NUTF2: variants seen among roughly 807,000 people sequenced by gnomAD.
The protein encoded by NUTF2 is nuclear transport factor 2.
Under a neutral mutation model 18.5 loss-of-function variants are expected in NUTF2, and 3 were observed. That is an observed-to-expected ratio of 0.16 (90% CI 0.07 to 0.42). The LOEUF (loss-of-function observed/expected upper bound fraction) is 0.42. NUTF2 is among the 10% of genes least tolerant of loss of function. The pLI is 0.99. For synonymous variants in NUTF2, 51 were observed against 57.9 expected (o/e 0.88, Z 0.54); for missense variants, 44 against 160.7 (o/e 0.27, Z 3.93).
chr16:67,848,108 A>C (rs1029435563), intron 1 of NUTF2, among the ~76,000 whole-genome samples: 1 of 152,196 alleles, frequency 6.6e-6, no homozygotes, highest in African/African-American at 2.4e-5. Context: ...CAGAGACCCT[A>C]CTGAGTTCTG....
intron 1 of NUTF2, among the ~76,000 whole-genome samples, chr16:67,862,040 G>A (rs1191380128): frequency 6.6e-6 from 1 of 152,130 alleles, no homozygotes; most frequent in Non-Finnish European, 1.5e-5. Context: ...TAGCTGGATC[G>A]AGGTAGGAGG....
intron 1 of NUTF2, 197 bp downstream of exon 1, chr16:67,847,182 G>A (rs2057809021): frequency 6.6e-6 from 1 of 152,082 alleles, no homozygotes; most frequent in Non-Finnish European, 1.5e-5. Context: ...GGCGGCCGGG[G>A]GTAACGCACA....
intron 1 of NUTF2, among the ~76,000 whole-genome samples, chr16:67,857,687 A>G (rs549278944): frequency 6.6e-6 from 1 of 152,336 alleles, no homozygotes; most frequent in East Asian, 1.9e-4. Context: ...AACAAGGGAG[A>G]AGTGGAGCAG....
intron 1 of NUTF2, among the ~76,000 whole-genome samples, chr16:67,862,913 A>G (rs187064730): frequency 6.6e-6 from 1 of 152,268 alleles, no homozygotes; most frequent in Non-Finnish European, 1.5e-5. Context: ...GCTCTGAGCC[A>G]AGGGTAGAAG....
At chr16:67,848,961 C>T (rs1014791500) in intron 1 of NUTF2, among the ~76,000 whole-genome samples, 2 of 152,128 alleles carry the variant, frequency 1.3e-5, no homozygotes, top group Non-Finnish European at 2.9e-5. Context: ...TACTCTTGAC[C>T]TAGAAGTTTT....
intron 1 of NUTF2, among the ~76,000 whole-genome samples, chr16:67,853,004 G>A (rs1044175618): frequency 1.3e-4 from 20 of 151,938 alleles, no homozygotes; most frequent in African/African-American, 4.3e-4. Context: ...TCTTTTTAAA[G>A]TTTTTCTTAG....
At position 67,871,162 on chromosome 16, in the gene NUTF2, C is replaced by CTTT. The variant is rs1208303500; in HGVS notation, c.*269_*271dup. On this transcript the variant is annotated 3_prime_UTR_variant, in exon 5 of 5. Coordinates refer to ENST00000219169, the MANE Select transcript of NUTF2 (RefSeq NM_005796.3). ...GACTTAAGTAATGCAAAAGGTTGTCCTTTTTTTTTTTTTTTTTTTTTTAAT... is the reference window on the plus strand; with the variant it reads ...GACTTAAGTAATGCAAAAGGTTGTCCTTTTTTTTTTTTTTTTTTTTTTTTTAAT... The CTTT allele has an allele frequency of 5.0e-4, 75 of 150,830 alleles. No individual in the cohort carries two copies. Among genetic ancestry groups the CTTT allele is most frequent in the Middle Eastern group, 2.7e-3 (1 of 376 alleles). The allele number at this position is 150,830 out of a possible 1,614,324, so 9.3% of individuals were successfully genotyped here.
chr16:67,852,267 C>T (rs895994981), intron 1 of NUTF2, among the ~76,000 whole-genome samples: 1 of 152,012 alleles, frequency 6.6e-6, no homozygotes, highest in Non-Finnish European at 1.5e-5. Context: ...TGCCACTGCA[C>T]TGTAGCCTGG....
chr16:67,864,157 T>A (rs760674887), intron 1 of NUTF2, among the ~76,000 whole-genome samples: 1 of 152,170 alleles, frequency 6.6e-6, no homozygotes, highest in Non-Finnish European at 1.5e-5. Flanking sequence ...GGTAATCACC[T>A]GGCCTCGGGG....
intron 4 of NUTF2, chr16:67,870,411 T>G: frequency 5.5e-6 from 1 of 182,100 alleles, no homozygotes; most frequent in South Asian, 1.1e-4. Flanking sequence ...TTTTCAAGAT[T>G]GTTTGCAGTT....
intron 4 of NUTF2, 179 bp downstream of exon 4, chr16:67,868,778 TATTA>T (rs1274859320): frequency 1.8e-6 from 1 of 549,848 alleles, no homozygotes. Context: ...TTTTAAGTTA[TATTA>T]ATTAAGATTA....
At chr16:67,852,384 A>G (rs1323236541) in intron 1 of NUTF2, among the ~76,000 whole-genome samples, 3 of 151,198 alleles carry the variant, frequency 2.0e-5, no homozygotes, top group Non-Finnish European at 4.4e-5. Context: ...GCTGGAGTGA[A>G]GTGTCACTCT....
chr16:67,849,185 C>G (rs914123455), intron 1 of NUTF2, among the ~76,000 whole-genome samples: 1 of 152,218 alleles, frequency 6.6e-6, no homozygotes. Flanking sequence ...GGACTACCCA[C>G]AGGACAATGA....
At chr16:67,862,573 G>A (rs1369387504) in intron 1 of NUTF2, among the ~76,000 whole-genome samples, 7 of 152,232 alleles carry the variant, frequency 4.6e-5, no homozygotes, top group African/African-American at 1.7e-4. Context: ...GGTGGTGCAC[G>A]CCTGTAATCC....
intron 1 of NUTF2, among the ~76,000 whole-genome samples, chr16:67,855,804 T>C (rs2057891662): frequency 6.6e-6 from 1 of 150,602 alleles, no homozygotes; most frequent in South Asian, 2.1e-4. Context: ...GGTTCTTCCA[T>C]TCTGAGGCTC....
chr16:67,864,422 T>C (rs2057955467), intron 1 of NUTF2, among the ~76,000 whole-genome samples: 1 of 146,888 alleles, frequency 6.8e-6, no homozygotes, highest in Admixed American at 7.1e-5. Flanking sequence ...GGCAAGAGAA[T>C]CACTTGAGCC....
At chr16:67,855,887 CGGG>C in intron 1 of NUTF2, 4 of 185,200 alleles carry the variant, frequency 2.2e-5, no homozygotes. Context: ...TTTTTTTTGG[CGGG>C]GGGGGGGGAT....
At chr16:67,848,152 C>G (rs902001928) in intron 1 of NUTF2, among the ~76,000 whole-genome samples, 2 of 152,184 alleles carry the variant, frequency 1.3e-5, no homozygotes, top group South Asian at 2.1e-4. Context: ...AAAATACTAT[C>G]CTGATATCCT....
intron 1 of NUTF2, among the ~76,000 whole-genome samples, chr16:67,854,668 C>T (rs1046947969): frequency 6.6e-6 from 1 of 152,072 alleles, no homozygotes; most frequent in Non-Finnish European, 1.5e-5. Flanking sequence ...ATTTCTTGGC[C>T]GGGCACAGAG....
Sources: gnomAD v4.1 joint callset for allele counts (sites outside exome capture counted in the v4.1 genomes callset) on GRCh38, gnomAD v4.1.1 for gene constraint, MANE v1.5 for transcripts, NCBI Gene and HGNC (gene_info 2026-07-23, HGNC 2026-07-21) for gene names.